Variants in CPA6 observed in about 807,000 individuals in gnomAD.
CPA6 encodes the protein carboxypeptidase B.
CPA6 carries 58 observed loss-of-function variants against 63.3 expected under a neutral mutation model. That is an observed-to-expected ratio of 0.92 (90% CI 0.74 to 1.14). The LOEUF (loss-of-function observed/expected upper bound fraction) is 1.14. Among genes scored for constraint, CPA6 ranks in the 50% most tolerant of loss-of-function variants. CPA6 has a pLI of 0.00. For synonymous variants in CPA6, 185 were observed against 179.0 expected (o/e 1.03, Z -0.27); for missense variants, 565 against 526.6 (o/e 1.07, Z -0.71).
intron 2 of CPA6, among the ~76,000 whole-genome samples, chr8:67,588,808 C>A (rs2128980305): frequency 6.6e-6 from 1 of 152,212 alleles, no homozygotes; most frequent in Admixed American, 6.5e-5. Context: ...TTATCAAGAT[C>A]ACGAGTGATG....
intron 2 of CPA6, among the ~76,000 whole-genome samples, chr8:67,621,387 A>C (rs1815078392): frequency 6.6e-6 from 1 of 152,216 alleles, no homozygotes. Flanking sequence ...AATGATAATG[A>C]TAATGATCAC....
rs961872522 is a variant in CPA6, at chr8:67,746,331, C to T, written c.-202G>A. ...AGCTGAGGAAGGGAAGTTGCTATTACGACTTGGTCTTGGGACAAGCAGCAG... is the reference window on the plus strand; with the variant it reads ...AGCTGAGGAAGGGAAGTTGCTATTATGACTTGGTCTTGGGACAAGCAGCAG... On this transcript the variant is annotated 5_prime_UTR_variant, in exon 1 of 11. Coordinates refer to ENST00000297770, the MANE Select transcript of CPA6 (RefSeq NM_020361.5). 1.3e-5 allele frequency: 6 copies of T among 449,924 alleles called. No individual in the cohort carries two copies. The highest frequency in any genetic ancestry group is 4.8e-4 in the Middle Eastern group (1 of 2,092). 27.9% of individuals were successfully genotyped at this position (449,924 alleles called of 1,614,324 possible).
chr8:67,599,286 T>C lies in CPA6; in HGVS notation c.192+24890A>G, dbSNP rs1419204603. Among the ~76,000 whole-genome samples, 4 of 152,358 alleles carry C rather than the reference T, an allele frequency of 2.6e-5. No homozygotes were observed. In the South Asian group the frequency reaches 8.3e-4, roughly 32 times the overall value. On this transcript the variant is annotated intron_variant, in intron 2 of 10. Transcript: ENST00000297770. ...AAACTTGATGCTTTTACCATGCTTC[T>C]GTAAACTTGATGCTTCAACTTCCAC...
intron 1 of CPA6, among the ~76,000 whole-genome samples, chr8:67,673,998 T>A (rs540290766): frequency 6.6e-6 from 1 of 152,328 alleles, no homozygotes; most frequent in African/African-American, 2.4e-5. Flanking sequence ...ATTGAACATT[T>A]ACTATATGCC....
Position 67,647,906 on chromosome 8 carries a change from C to T in CPA6, c.117-23655G>A, listed in dbSNP as rs1815748587. Among the ~76,000 whole-genome samples the T allele has an allele frequency of 1.3e-5, 2 of 152,174 alleles. 1 individual carries two copies. The highest frequency in any genetic ancestry group is 4.1e-4 in the South Asian group (2 of 4,834). Reference sequence around the variant, plus strand: ...TTTACTACCCCCCTAAAATCATCTACATCTATCTCCATTTTCCCTAAGAAG... The same window carrying T: ...TTTACTACCCCCCTAAAATCATCTATATCTATCTCCATTTTCCCTAAGAAG... On this transcript the variant is annotated intron_variant, in intron 1 of 10. Transcript: ENST00000297770.
chr8:67,630,784 G>A (rs559019427), intron 1 of CPA6, among the ~76,000 whole-genome samples: 4 of 152,222 alleles, frequency 2.6e-5, no homozygotes, highest in Admixed American at 6.5e-5. Context: ...TGTGAGTTCC[G>A]GGTGGCCGCA....
chr8:67,616,097 C>G (rs1027502189), intron 2 of CPA6, among the ~76,000 whole-genome samples: 3 of 152,180 alleles, frequency 2.0e-5, no homozygotes, highest in Non-Finnish European at 2.9e-5. Flanking sequence ...ACTCCCTTGG[C>G]TACATCCATA....
intron 10 of CPA6, 126 bp from the exon 11 acceptor site, chr8:67,422,817 C>A: frequency 1.5e-6 from 1 of 679,832 alleles, no homozygotes; most frequent in Non-Finnish European, 2.3e-6. Flanking sequence ...AATGCTGTTT[C>A]AATAAGAATG....
chr8:67,613,860 G>A (rs1237890104), intron 2 of CPA6, among the ~76,000 whole-genome samples: 4 of 152,102 alleles, frequency 2.6e-5, no homozygotes, highest in Admixed American at 6.5e-5. Context: ...TAGACCAGCA[G>A]ACAGATGGCA....
chr8:67,489,029 T>A (rs1811547847), intron 6 of CPA6, among the ~76,000 whole-genome samples: 1 of 152,214 alleles, frequency 6.6e-6, no homozygotes, highest in South Asian at 2.1e-4. Flanking sequence ...ATTTCCTAAT[T>A]GAATACCATT....
At chr8:67,677,632 A>G (rs550907877) in intron 1 of CPA6, among the ~76,000 whole-genome samples, 3 of 152,316 alleles carry the variant, frequency 2.0e-5, no homozygotes, top group African/African-American at 7.2e-5. Context: ...TGAGATATTG[A>G]TATAGATCCA....
chr8:67,596,275 A>G (rs1056858072), intron 2 of CPA6, among the ~76,000 whole-genome samples: 4 of 152,110 alleles, frequency 2.6e-5, no homozygotes, highest in African/African-American at 9.7e-5. Context: ...CTTGAAAGAT[A>G]TTTTTACTGG....
chr8:67,641,706 G>A (rs774633992), intron 1 of CPA6, among the ~76,000 whole-genome samples: 44 of 152,182 alleles, frequency 2.9e-4, no homozygotes, highest in Middle Eastern at 3.4e-3. Flanking sequence ...ACCATCGTTT[G>A]TATTCAATAG....
At chr8:67,517,307 C>T (rs797015564) in intron 3 of CPA6, among the ~76,000 whole-genome samples, 22 of 152,260 alleles carry the variant, frequency 1.4e-4, no homozygotes, top group African/African-American at 5.1e-4. Context: ...CTATTCTGGT[C>T]CTACTCAGAG....
chr8:67,666,046 C>T (rs1263506389), intron 1 of CPA6, among the ~76,000 whole-genome samples: 1 of 152,190 alleles, frequency 6.6e-6, no homozygotes, highest in Admixed American at 6.5e-5. Flanking sequence ...CATTTCAGAA[C>T]TATGGAACTA....
intron 1 of CPA6, among the ~76,000 whole-genome samples, chr8:67,715,300 A>G (rs972965570): frequency 2.6e-5 from 4 of 152,158 alleles, no homozygotes; most frequent in African/African-American, 9.7e-5. Context: ...CTGGCTATAA[A>G]CTGGGGGTTC....
intron 8 of CPA6, among the ~76,000 whole-genome samples, chr8:67,436,056 C>T (rs1810145211): frequency 6.6e-6 from 1 of 151,744 alleles, no homozygotes; most frequent in South Asian, 2.1e-4. Context: ...CAGAATTAGC[C>T]AGCTTGCCTC....
intron 3 of CPA6, among the ~76,000 whole-genome samples, chr8:67,512,381 A>C (rs1000610795): frequency 2.9e-4 from 44 of 152,374 alleles, no homozygotes; most frequent in Middle Eastern, 3.4e-3. Context: ...CCTCAAGAGG[A>C]AACTGAAGAA....
intron 1 of CPA6, among the ~76,000 whole-genome samples, chr8:67,698,218 G>T (rs529325444): frequency 2.6e-5 from 4 of 152,102 alleles, no homozygotes; most frequent in Admixed American, 1.3e-4. Flanking sequence ...TCCAGATGGG[G>T]GTTCTTATAC....
Sources: gnomAD v4.1 joint callset for allele counts (sites outside exome capture counted in the v4.1 genomes callset) on GRCh38, gnomAD v4.1.1 for gene constraint, MANE v1.5 for transcripts, NCBI Gene and HGNC (gene_info 2026-07-23, HGNC 2026-07-21) for gene names.